The following TBC1D9B variants were observed in gnomAD, a reference collection of about 807,000 sequenced individuals.
TBC1D9B encodes the protein TBC1 domain family member 9B.
In TBC1D9B, 87 loss-of-function variants were observed where a neutral mutation model predicts 121.1. That is an observed-to-expected ratio of 0.72 (90% CI 0.60 to 0.86). The LOEUF (loss-of-function observed/expected upper bound fraction) is 0.86. Among genes scored for constraint, TBC1D9B ranks in the 40% least tolerant of loss-of-function variants. TBC1D9B has a pLI of 0.00. For synonymous variants in TBC1D9B, 668 were observed against 670.1 expected (o/e 1.00, Z 0.05); for missense variants, 1,540 against 1,628.6 (o/e 0.95, Z 0.94).
chr5:179,888,993 G>A (rs1177321498), intron 6 of TBC1D9B, among the ~76,000 whole-genome samples: 4 of 152,098 alleles, frequency 2.6e-5, no homozygotes, highest in Non-Finnish European at 2.9e-5. Context: ...GGCCAGAGAA[G>A]CCAGGACAGT....
Position 179,904,477 on chromosome 5 carries a change from G to A in TBC1D9B, c.229+225C>T, listed in dbSNP as rs1185673509. 6.6e-6 allele frequency among the ~76,000 whole-genome samples: 1 copy of A among 151,952 alleles called. No homozygotes were observed. Among genetic ancestry groups the A allele is most frequent in the African/African-American group, 2.4e-5 (1 of 41,342 alleles). ...CCTGACCTCGTGATCAGCCCGCCTC[G>A]GCCTCCCAAAGTGCTGGGATTACAG... is the stretch of plus-strand genomic sequence containing the variant. On this transcript the variant is annotated intron_variant, in intron 2 of 20. Coordinates refer to ENST00000355235, the MANE Select transcript of TBC1D9B (RefSeq NM_015043.4). The surrounding 1 kb of genome is among the most constrained non-coding windows in gnomAD (Gnocchi z 4.2).
chr5:179,891,529 C>A lies in TBC1D9B; in HGVS notation c.894G>T (p.Arg298Ser). 3 of 1,614,048 alleles carry A rather than the reference C, an allele frequency of 1.9e-6. No homozygotes were observed. The South Asian group carries it at 3.3e-5, about 18-fold the overall frequency. ...TTGTGTGGCCGTCTAGCCGCTCATC[C>A]CTGGGCAGCCGGAACGTGGCTCGGT... ...ECYRATFRLP[R>S]DERLDGHTSC... Residue 298 changes from arginine to serine, a missense_variant, in exon 6 of 21, where the codon AGG becomes AGT. Arg to Ser is a moderately radical substitution (Grantham distance 110). Transcript: ENST00000355235. The surrounding 1 kb of genome is among the most constrained non-coding windows in gnomAD (Gnocchi z 4.3).
rs1187452255 is a variant in TBC1D9B at position 179,874,072 on chromosome 5, G to C, written c.2187-824C>G. 6.6e-6 allele frequency among the ~76,000 whole-genome samples: 1 copy of C among 152,216 alleles called. No homozygotes were observed. The highest frequency in any genetic ancestry group is 1.5e-5 in the Non-Finnish European group (1 of 68,026). On this transcript the variant is annotated intron_variant, in intron 12 of 20. Coordinates refer to ENST00000355235, the MANE Select transcript of TBC1D9B (RefSeq NM_015043.4). The surrounding 1 kb of genome is among the most constrained non-coding windows in gnomAD (Gnocchi z 4.3). ...TGGGCAAGTGGCAGAGTCCCAGGCT[G>C]TTCCTGGGGGCTGGGGGCATTCCAG...
At chr5:179,876,097 C>G in intron 10 of TBC1D9B, 60 bp from the exon 11 acceptor site, 1 of 1,412,830 alleles carries the variant, frequency 7.1e-7, no homozygotes, top group South Asian at 1.3e-5. Context: ...ATAAAACTGT[C>G]TCTCCCCACC....
chr5:179,866,548 G>C (rs1225123876), intron 18 of TBC1D9B: 1 of 152,480 alleles, frequency 6.6e-6, no homozygotes, highest in African/African-American at 2.4e-5. Context: ...TCTGGTGGCA[G>C]TGAAGGGCAC....
chr5:179,870,122 G>GT, intron 16 of TBC1D9B, 133 bp downstream of exon 16: 1 of 1,444,546 alleles, frequency 6.9e-7, no homozygotes, highest in Non-Finnish European at 9.4e-7. Flanking sequence ...TGTTCTTCCC[G>GT]TATCTAGGGC....
At position 179,894,434 on chromosome 5, in the gene TBC1D9B, G is replaced by C. The variant is rs1281078026; in HGVS notation, c.529C>G (p.Leu177Val). The C allele has an allele frequency of 6.2e-7, 1 of 1,614,070 alleles. No individual in the cohort carries two copies. Among genetic ancestry groups the C allele is most frequent in the East Asian group, 2.2e-5 (1 of 44,872 alleles). The change falls in exon 4 of 21, where the codon CTG becomes GTG. Residue 177 changes from leucine (L) to valine (V), a missense_variant. Transcript: ENST00000355235. ...GRVPRQGWLY[L>V]TVNHLCFYSF... Reference sequence around the variant, plus strand: ...TAGAAGCACAGGTGGTTGACCGTCAGGTACAGCCAGCCCTGCCGGGGCACG... The same window carrying C: ...TAGAAGCACAGGTGGTTGACCGTCACGTACAGCCAGCCCTGCCGGGGCACG...
At chr5:179,888,005 G>A (rs1309502268) in intron 7 of TBC1D9B, 98 bp downstream of exon 7, 1 of 1,493,678 alleles carries the variant, frequency 6.7e-7, no homozygotes, top group Non-Finnish European at 9.3e-7. Flanking sequence ...GAGGCCCACA[G>A]CCGGAACCAT....
chr5:179,901,388 A>G (rs1401393321), intron 2 of TBC1D9B, among the ~76,000 whole-genome samples: 2 of 152,226 alleles, frequency 1.3e-5, no homozygotes, highest in African/African-American at 4.8e-5. Context: ...CATGTGGTGC[A>G]ACTCTACTGT....
In TBC1D9B at chr5:179,874,825, GC is replaced by G; in HGVS notation, c.2186+76del. ...CACTTGGTGGGCACAGTCACTTCAGGCTGACTGGACAGTGCCCGGGGCTGGT... is the reference window on the plus strand; with the variant it reads ...CACTTGGTGGGCACAGTCACTTCAGGTGACTGGACAGTGCCCGGGGCTGGT... On this transcript the variant is annotated intron_variant, in intron 12 of 20. Coordinates refer to ENST00000355235, the MANE Select transcript of TBC1D9B (RefSeq NM_015043.4). This position sits in a 1 kb window ranked among gnomAD's most constrained non-coding sequence, Gnocchi z 4.3. 6.4e-7 allele frequency: 1 copy of G among 1,552,676 alleles called. No homozygotes were observed. Among genetic ancestry groups the G allele is most frequent in the East Asian group, 2.3e-5 (1 of 44,398 alleles).
At chr5:179,897,139 C>T (rs1423371175) in intron 3 of TBC1D9B, among the ~76,000 whole-genome samples, 2 of 152,010 alleles carry the variant, frequency 1.3e-5, no homozygotes, top group Non-Finnish European at 2.9e-5. Context: ...GATCTCCTGA[C>T]CTCGTGATCC....
At position 179,862,852 on chromosome 5, in the gene TBC1D9B, G is replaced by A. The variant is rs1416199507; in HGVS notation, c.*596C>T. The A allele has an allele frequency of 3.6e-5, 12 of 331,134 alleles. No homozygotes were observed. The highest frequency in any genetic ancestry group is 1.5e-4 in the Admixed American group (4 of 26,426). The allele number at this position is 331,134 out of a possible 1,614,324, so 20.5% of individuals were successfully genotyped here. A position where few individuals can be genotyped will look rare whatever the true frequency, so the allele number is the denominator to read the frequency against. On this transcript the variant is annotated 3_prime_UTR_variant, in exon 21 of 21. Transcript: ENST00000355235. ...TGAGGGATGTTTTTTTAAAGTTACT[G>A]GAAAGGATGATGAGCTGAGAGCACG...
In TBC1D9B at chr5:179,875,858, C is replaced by T; in HGVS notation, c.1900+62G>A. The T allele has an allele frequency of 7.2e-7, 1 of 1,387,426 alleles. No individual in the cohort carries two copies. The highest frequency in any genetic ancestry group is 2.3e-5 in the Admixed American group (1 of 43,472). The allele number at this position is 1,387,426 out of a possible 1,614,324, so 85.9% of individuals were successfully genotyped here. A position where few individuals can be genotyped will look rare whatever the true frequency, so the allele number is the denominator to read the frequency against. ...TGGAGCTTGGCCTGGGAAGGGCTGCCACCCTCATGGAACCAGCAGGCACCT... is the reference window on the plus strand; with the variant it reads ...TGGAGCTTGGCCTGGGAAGGGCTGCTACCCTCATGGAACCAGCAGGCACCT... On this transcript the variant is annotated intron_variant, in intron 11 of 20. Transcript: ENST00000355235. This position sits in a 1 kb window ranked among gnomAD's most constrained non-coding sequence, Gnocchi z 4.5.
chr5:179,867,241 T>C (rs1210963260), intron 18 of TBC1D9B: 7 of 561,462 alleles, frequency 1.2e-5, no homozygotes, highest in South Asian at 2.7e-5. Flanking sequence ...TGGCGCCTAG[T>C]GTGGGGGCCT....
In TBC1D9B at chr5:179,904,225, T is replaced by TTC. The variant is rs1761241590; in HGVS notation, c.229+476_229+477insGA. On this transcript the variant is annotated intron_variant, in intron 2 of 20. Transcript: ENST00000355235. This position sits in a 1 kb window ranked among gnomAD's most constrained non-coding sequence, Gnocchi z 4.2. The stretch of plus-strand genomic sequence containing the variant: ...CCCATGACCAGTGGAGCTGCCTTTT[T>TTC]TTTTTTTTTTTTTTTTTGAGACGGA... Among the ~76,000 whole-genome samples the TTC allele has an allele frequency of 2.8e-5, 4 of 143,188 alleles. No homozygotes were observed. The South Asian group carries it at 7.1e-4, about 25-fold the overall frequency. The allele number at this position is 143,188 out of a possible 152,430, so 93.9% of individuals were successfully genotyped here.
At chr5:179,877,664 C>CAAAAAAAAA (rs564753950) in intron 10 of TBC1D9B, among the ~76,000 whole-genome samples, 4 of 66,666 alleles carry the variant, frequency 6.0e-5, no homozygotes, top group South Asian at 6.2e-4. Context: ...GATTCTATCT[C>CAAAAAAAAA]AAAAAAAAAA....
chr5:179,869,528 A>C (rs1187631503), intron 17 of TBC1D9B: 1 of 667,854 alleles, frequency 1.5e-6, no homozygotes. Flanking sequence ...GGAGTTCTGT[A>C]CCCAGCAGTG....
intron 10 of TBC1D9B, 144 bp downstream of exon 10, chr5:179,878,165 T>C: frequency 1.2e-6 from 1 of 860,744 alleles, no homozygotes; most frequent in South Asian, 1.8e-5. Flanking sequence ...CAATTAATAC[T>C]GTTTTTAAAT....
At chr5:179,905,753 G>GA (rs1207578732) in intron 1 of TBC1D9B, among the ~76,000 whole-genome samples, 6 of 152,124 alleles carry the variant, frequency 3.9e-5, no homozygotes, top group Admixed American at 6.5e-5. Context: ...GTTTTTACTT[G>GA]AAATTTTTTC....
Sources: gnomAD v4.1 joint callset for allele counts (sites outside exome capture counted in the v4.1 genomes callset) on GRCh38, gnomAD v4.1.1 for gene constraint, Gnocchi (gnomAD v3.1) non-coding constraint, MANE v1.5 for transcripts, NCBI Gene and HGNC (gene_info 2026-07-23, HGNC 2026-07-21) for gene names.